POMP: variants seen among roughly 807,000 people sequenced by gnomAD.
POMP encodes the protein 2510048O06Rik.
POMP carries 12 observed loss-of-function variants against 20.6 expected under a neutral mutation model. The observed-to-expected ratio is 0.58, with a 90% CI of 0.37 to 0.94. POMP has a LOEUF of 0.94. Ranked by LOEUF, POMP falls within the 40% of genes least tolerant of loss-of-function variation. The probability of loss-of-function intolerance (pLI) is 0.01; values close to 1 mark genes in which losing one functional copy is unlikely to be tolerated. For synonymous variants in POMP, 53 were observed against 55.0 expected (o/e 0.96, Z 0.16); for missense variants, 136 against 161.1 (o/e 0.84, Z 0.84).
At chr13:28,663,792 AT>A (rs912369485) in intron 2 of POMP, among the ~76,000 whole-genome samples, 1 of 151,774 alleles carries the variant, frequency 6.6e-6, no homozygotes, top group Non-Finnish European at 1.5e-5. Flanking sequence ...AGGTCTGAAG[AT>A]TTTTTTCCCC....
At chr13:28,664,008 T>C (rs1313727753) in intron 2 of POMP, among the ~76,000 whole-genome samples, 1 of 152,244 alleles carries the variant, frequency 6.6e-6, no homozygotes, top group Non-Finnish European at 1.5e-5. Context: ...ACCAGTGGCC[T>C]GGTTCTAGTT....
intron 4 of POMP, among the ~76,000 whole-genome samples, 181 bp downstream of exon 4, chr13:28,668,755 T>C (rs1884489954): frequency 6.6e-6 from 1 of 152,176 alleles, no homozygotes; most frequent in South Asian, 2.1e-4. Flanking sequence ...AATGGAAAAC[T>C]TCAAATTACA....
Position 28,678,086 on chromosome 13 carries a change from A to G in POMP, c.410A>G (p.Lys137Arg), listed in dbSNP as rs867515825. Residue 137 changes from lysine (K) to arginine (R), a missense_variant, in exon 6 of 6, where the codon AAA becomes AGA. By Grantham distance (26) the Lys-to-Arg change is conservative. Coordinates refer to ENST00000380842, the MANE Select transcript of POMP (RefSeq NM_015932.6). ...GAGCCACACTTGATGGTGGAATATA[A>G]ACTTGGTTTACTGTAATAGTGTGCT... ...MGEPHLMVEY[K>R]LGLL is the part of the protein sequence containing the mutation. 6 of 1,614,024 alleles carry G rather than the reference A, an allele frequency of 3.7e-6. No individual in the cohort carries two copies. The highest frequency in any genetic ancestry group is 3.3e-4 in the Middle Eastern group (2 of 6,062).
chr13:28,669,070 G>A (rs1162599756), intron 4 of POMP, among the ~76,000 whole-genome samples: 3 of 151,852 alleles, frequency 2.0e-5, no homozygotes, highest in African/African-American at 7.3e-5. Flanking sequence ...TGCTTGCTCT[G>A]TCTCAGCAGT....
chr13:28,673,688 T>C (rs1284460341), intron 5 of POMP, among the ~76,000 whole-genome samples: 1 of 152,216 alleles, frequency 6.6e-6, no homozygotes, highest in African/African-American at 2.4e-5. Flanking sequence ...ATTCTTAAGC[T>C]TTTACATTGA....
At chr13:28,673,348 C>T (rs888089591) in intron 5 of POMP, among the ~76,000 whole-genome samples, 2 of 152,030 alleles carry the variant, frequency 1.3e-5, no homozygotes, top group East Asian at 1.9e-4. Flanking sequence ...GGATTAGAGG[C>T]GTGAGCCACT....
intron 3 of POMP, among the ~76,000 whole-genome samples, chr13:28,667,348 G>A (rs919237592): frequency 1.3e-5 from 2 of 152,148 alleles, no homozygotes; most frequent in Non-Finnish European, 2.9e-5. Flanking sequence ...CTATAATCGT[G>A]CCTGTGAATA....
intron 4 of POMP, among the ~76,000 whole-genome samples, chr13:28,670,215 C>T (rs1884523379): frequency 6.6e-6 from 1 of 152,180 alleles, no homozygotes; most frequent in Non-Finnish European, 1.5e-5. Context: ...CAGGCACCTC[C>T]AGTTTTACAT....
chr13:28,661,326 C>T (rs144445005), intron 1 of POMP, among the ~76,000 whole-genome samples: 15 of 152,082 alleles, frequency 9.9e-5, no homozygotes, highest in Admixed American at 4.6e-4. Context: ...ATTAGCCAGG[C>T]GTGATGTTGC....
chr13:28,672,771 G>C (rs1884572304), intron 5 of POMP, among the ~76,000 whole-genome samples: 1 of 152,110 alleles, frequency 6.6e-6, no homozygotes, highest in Non-Finnish European at 1.5e-5. Context: ...AATTATTTAT[G>C]AAATTCTAAG....
At chr13:28,666,455 A>G (rs1202266987) in intron 3 of POMP, among the ~76,000 whole-genome samples, 1 of 152,264 alleles carries the variant, frequency 6.6e-6, no homozygotes, top group Non-Finnish European at 1.5e-5. Context: ...GAGTGAGACT[A>G]GGTGGAACTG....
chr13:28,669,890 A>C (rs1482603241), intron 4 of POMP, among the ~76,000 whole-genome samples: 3 of 152,002 alleles, frequency 2.0e-5, no homozygotes, highest in Non-Finnish European at 4.4e-5. Context: ...TGGATCACTC[A>C]AGCTCAGGTG....
At chr13:28,669,680 C>T (rs1884512757) in intron 4 of POMP, among the ~76,000 whole-genome samples, 1 of 152,188 alleles carries the variant, frequency 6.6e-6, no homozygotes, top group Non-Finnish European at 1.5e-5. Context: ...TTTCTGAATC[C>T]TTGTTCTCAG....
intron 4 of POMP, among the ~76,000 whole-genome samples, chr13:28,669,612 T>C (rs1812594583): frequency 6.6e-6 from 1 of 152,164 alleles, no homozygotes; most frequent in Non-Finnish European, 1.5e-5. Flanking sequence ...ACTCCTGGCC[T>C]CAAGCTATCA....
chr13:28,659,569 G>A (rs1224127209), intron 1 of POMP, among the ~76,000 whole-genome samples: 1 of 152,106 alleles, frequency 6.6e-6, no homozygotes, highest in Admixed American at 6.5e-5. Context: ...GTAACCTCTG[G>A]GAGCCCAGAG....
chr13:28,670,929 C>T (rs1593174604), intron 4 of POMP, among the ~76,000 whole-genome samples: 1 of 152,130 alleles, frequency 6.6e-6, no homozygotes, highest in Non-Finnish European at 1.5e-5. Flanking sequence ...TGCCTGTAAT[C>T]CCAGCTACTC....
chr13:28,662,520 G>A lies in POMP; in HGVS notation c.101+13G>A, dbSNP rs1884364185. On this transcript the variant is annotated intron_variant, in intron 2 of 5. Coordinates refer to ENST00000380842, the MANE Select transcript of POMP (RefSeq NM_015932.6). ...TTCTTCGGAAAGGGTATATGGGGGA[G>A]TTATGACTTTGATTTTGTTATGTTT... 1 of 1,578,842 alleles carries A rather than the reference G, an allele frequency of 6.3e-7. No homozygotes were observed. The highest frequency in any genetic ancestry group is 1.4e-5 in the African/African-American group (1 of 74,052).
intron 4 of POMP, among the ~76,000 whole-genome samples, chr13:28,671,449 C>CT (rs58068200): frequency 0.021 from 3,010 of 144,774 alleles, 83 homozygotes; most frequent in African/African-American, 0.068. Flanking sequence ...AATTCTCTGT[C>CT]TTTTTTTTTT....
At chr13:28,670,046 G>A (rs1467540764) in intron 4 of POMP, among the ~76,000 whole-genome samples, 3 of 152,178 alleles carry the variant, frequency 2.0e-5, no homozygotes, top group African/African-American at 7.2e-5. Flanking sequence ...GGAGTCGGAG[G>A]TTGCAGTGAG....
Sources: allele counts gnomAD v4.1 joint callset (sites outside exome capture counted in the v4.1 genomes callset), GRCh38; gene constraint gnomAD v4.1.1; transcripts MANE v1.5; gene names NCBI Gene and HGNC (gene_info 2026-07-23, HGNC 2026-07-21).